The following TSHZ3 variants were observed in gnomAD, a reference collection of about 807,000 sequenced individuals.
The protein encoded by TSHZ3 is teashirt homolog 3.
A neutral mutation model predicts 64.5 loss-of-function variants in TSHZ3; 10 were observed. The observed-to-expected ratio is 0.16, with a 90% CI of 0.10 to 0.26. TSHZ3 has a LOEUF of 0.26. Among genes scored for constraint, TSHZ3 ranks in the 10% least tolerant of loss-of-function variants. TSHZ3 has a pLI of 1.00. For missense variants in TSHZ3, 1,242 were observed against 1,421.7 expected, an observed-to-expected ratio of 0.87 and a Z score of 2.03; for synonymous variants, 608 against 593.1, an observed-to-expected ratio of 1.03 and a Z score of -0.36.
intron 5 of TSHZ3, among the ~76,000 whole-genome samples, chr19:31,178,354 A>G (rs1173236971): frequency 2.0e-5 from 3 of 152,116 alleles, no homozygotes; most frequent in Non-Finnish European, 2.9e-5. Flanking sequence ...CCTGCTTGCC[A>G]CAAGGATCTA....
At chr19:31,244,495 T>C (rs1975734133) in intron 1 of TSHZ3, among the ~76,000 whole-genome samples, 1 of 152,204 alleles carries the variant, frequency 6.6e-6, no homozygotes, top group Admixed American at 6.5e-5. Flanking sequence ...TCTCATAAAT[T>C]GCCCACTCTC....
intron 4 of TSHZ3, among the ~76,000 whole-genome samples, chr19:31,209,631 T>C (rs1184074420): frequency 1.3e-5 from 2 of 152,172 alleles, no homozygotes; most frequent in African/African-American, 4.8e-5. Context: ...TTGTTAAGCG[T>C]TTGGTCATGC....
chr19:31,214,894 C>G (rs1233922658), intron 4 of TSHZ3, among the ~76,000 whole-genome samples: 1 of 128,106 alleles, frequency 7.8e-6, no homozygotes, highest in African/African-American at 3.0e-5. Flanking sequence ...GGCGACAGAG[C>G]GAGACTCTGT....
chr19:31,231,587 G>A (rs529480450), intron 3 of TSHZ3, among the ~76,000 whole-genome samples: 2 of 152,266 alleles, frequency 1.3e-5, no homozygotes, highest in South Asian at 4.1e-4. Context: ...TTATAAATCT[G>A]CACTTCTCAC....
intron 1 of TSHZ3, among the ~76,000 whole-genome samples, chr19:31,255,998 G>A (rs1975904292): frequency 6.6e-6 from 1 of 152,152 alleles, no homozygotes; most frequent in South Asian, 2.1e-4. Context: ...GAGGGGTGTG[G>A]GGTGCAGGGG....
intron 4 of TSHZ3, among the ~76,000 whole-genome samples, chr19:31,210,191 C>A (rs1415143588): frequency 6.6e-6 from 1 of 152,004 alleles, no homozygotes; most frequent in Non-Finnish European, 1.5e-5. Flanking sequence ...GTCCAGGGAC[C>A]AAAGGTGAAG....
intron 1 of TSHZ3, among the ~76,000 whole-genome samples, chr19:31,300,008 C>A (rs1976726321): frequency 6.6e-6 from 1 of 152,162 alleles, no homozygotes. Flanking sequence ...ATTTGACATT[C>A]AGAGATAAAT....
chr19:31,343,529 G>T (rs1414755235), intron 1 of TSHZ3, among the ~76,000 whole-genome samples: 2 of 152,070 alleles, frequency 1.3e-5, no homozygotes, highest in Non-Finnish European at 2.9e-5. Context: ...TTTGGTCAAG[G>T]ACACTCTGTA....
chr19:31,242,918 T>G (rs1975713870), intron 1 of TSHZ3, among the ~76,000 whole-genome samples: 1 of 152,118 alleles, frequency 6.6e-6, no homozygotes, highest in Admixed American at 6.5e-5. Context: ...TCTGCCTTTT[T>G]GTTCTATTTG....
intron 4 of TSHZ3, among the ~76,000 whole-genome samples, chr19:31,227,367 T>A (rs1021994213): frequency 4.6e-5 from 7 of 152,026 alleles, no homozygotes; most frequent in Non-Finnish European, 1.0e-4. Flanking sequence ...CAAAAGTGGG[T>A]CAAGACCATT....
chr19:31,213,119 G>T (rs1975280603), intron 4 of TSHZ3, among the ~76,000 whole-genome samples: 1 of 151,872 alleles, frequency 6.6e-6, no homozygotes, highest in African/African-American at 2.4e-5. Context: ...ACTTTGGGAG[G>T]CGGAGGCGGG....
intron 1 of TSHZ3, among the ~76,000 whole-genome samples, chr19:31,293,995 C>T (rs1465972688): frequency 1.3e-5 from 2 of 152,172 alleles, no homozygotes; most frequent in African/African-American, 4.8e-5. Context: ...TCTCTTCATT[C>T]CTCATTCCCA....
At chr19:31,254,562 A>G (rs1354515446) in intron 1 of TSHZ3, among the ~76,000 whole-genome samples, 1 of 152,170 alleles carries the variant, frequency 6.6e-6, no homozygotes, top group Non-Finnish European at 1.5e-5. Flanking sequence ...GCCACAATGG[A>G]TGCATTTCTG....
At chr19:31,341,287 A>G (rs1917424687) in intron 1 of TSHZ3, among the ~76,000 whole-genome samples, 1 of 152,194 alleles carries the variant, frequency 6.6e-6, no homozygotes, top group South Asian at 2.1e-4. Context: ...CATAATGTAC[A>G]TGTGTTTCAG....
chr19:31,343,382 G>A (rs1449767069), intron 1 of TSHZ3, among the ~76,000 whole-genome samples: 1 of 151,158 alleles, frequency 6.6e-6, no homozygotes, highest in East Asian at 1.9e-4. Flanking sequence ...TGTATCTCTT[G>A]GACTATTCTT....
intron 4 of TSHZ3, among the ~76,000 whole-genome samples, chr19:31,210,414 A>G (rs1274904671): frequency 6.6e-6 from 1 of 152,158 alleles, no homozygotes; most frequent in African/African-American, 2.4e-5. Flanking sequence ...TGGCAGAGGC[A>G]GTATGTTTGA....
chr19:31,182,482 A>G (rs4804951), intron 5 of TSHZ3, among the ~76,000 whole-genome samples: 99,417 of 151,914 alleles, frequency 0.65, 32,574 homozygotes, highest in Middle Eastern at 0.72. Flanking sequence ...CAAAATGCAC[A>G]GCCCGTGATG....
chr19:31,252,677 A>G (rs972993159), intron 1 of TSHZ3, among the ~76,000 whole-genome samples: 2 of 152,254 alleles, frequency 1.3e-5, no homozygotes, highest in South Asian at 4.1e-4. Flanking sequence ...GCCTTCTGCC[A>G]TGATTGTAAG....
chr19:31,193,502 A>C (rs1974942855), intron 5 of TSHZ3, among the ~76,000 whole-genome samples: 2 of 152,284 alleles, frequency 1.3e-5, no homozygotes, highest in South Asian at 4.1e-4. Context: ...AAGCAGGTCC[A>C]TGAATTATGC....
Sources: allele counts gnomAD v4.1 joint callset (sites outside exome capture counted in the v4.1 genomes callset), GRCh38; gene constraint gnomAD v4.1.1; transcripts MANE v1.5; gene names NCBI Gene and HGNC (gene_info 2026-07-23, HGNC 2026-07-21).